Variants in WWOX observed in about 807,000 individuals in gnomAD.
WWOX encodes WW domain-containing oxidoreductase.
A neutral mutation model predicts 46.2 loss-of-function variants in WWOX; 69 were observed. The observed-to-expected ratio is 1.49, with a 90% confidence interval of 1.23 to 1.82. WWOX has a LOEUF of 1.82. Ranked by LOEUF, WWOX falls within the 40% of genes most tolerant of loss-of-function variation. The pLI is 0.00. For missense variants in WWOX, 919 were observed against 542.6 expected (o/e 1.69, Z -6.89); for synonymous variants, 359 against 202.6 (o/e 1.77, Z -6.56).
chr16:78,746,758 A>T (rs536270633), intron 8 of WWOX, among the ~76,000 whole-genome samples: 11 of 152,196 alleles, frequency 7.2e-5, no homozygotes, highest in Non-Finnish European at 1.5e-4. Context: ...AATCTGACTT[A>T]TACCCTGGAG....
rs552593176 is a variant in WWOX, at chr16:78,184,073, T to A, written c.516+19784T>A. 2.0e-4 allele frequency among the ~76,000 whole-genome samples: 31 copies of A among 152,268 alleles called. 1 individual carries two copies. The highest frequency in any genetic ancestry group is 7.0e-4 in the African/African-American group (29 of 41,548). Reference sequence around the variant, plus strand: ...TCTCTGTGTGTGAAGCTGGATTCCATGCTTGGCACAGACCTCGGTGCTCAC... The same window carrying A: ...TCTCTGTGTGTGAAGCTGGATTCCAAGCTTGGCACAGACCTCGGTGCTCAC... On this transcript the variant is annotated intron_variant, in intron 5 of 8. Transcript: ENST00000566780.
intron 5 of WWOX, among the ~76,000 whole-genome samples, chr16:78,298,362 G>C (rs1019548837): frequency 6.6e-6 from 1 of 152,182 alleles, no homozygotes; most frequent in African/African-American, 2.4e-5. Flanking sequence ...TGGCAGAGTA[G>C]CTAAGACTTT....
At chr16:78,482,951 G>T (rs538857291) in intron 8 of WWOX, among the ~76,000 whole-genome samples, 3 of 152,262 alleles carry the variant, frequency 2.0e-5, no homozygotes, top group Middle Eastern at 6.8e-3. Context: ...TGGGCGTCAA[G>T]ATTTTGGGGC....
At chr16:79,076,761 C>T (rs2048665071) in intron 8 of WWOX, among the ~76,000 whole-genome samples, 1 of 152,220 alleles carries the variant, frequency 6.6e-6, no homozygotes, top group Admixed American at 6.5e-5. Context: ...TGCTCAGCTT[C>T]CTGACCTGCA....
At chr16:79,132,166 A>ACACC (rs1260096040) in intron 8 of WWOX, among the ~76,000 whole-genome samples, 41 of 141,858 alleles carry the variant, frequency 2.9e-4, no homozygotes, top group African/African-American at 1.0e-3. Flanking sequence ...ACACACACAC[A>ACACC]CCCCTTCCTA....
chr16:79,029,676 A>T (rs991434995), intron 8 of WWOX, among the ~76,000 whole-genome samples: 3 of 152,164 alleles, frequency 2.0e-5, no homozygotes, highest in African/African-American at 4.8e-5. Flanking sequence ...TGTCCTTTAA[A>T]CTTTAGGCAT....
intron 8 of WWOX, among the ~76,000 whole-genome samples, chr16:79,090,723 G>C (rs1446910901): frequency 6.6e-6 from 1 of 152,194 alleles, no homozygotes; most frequent in Non-Finnish European, 1.5e-5. Flanking sequence ...GCTCGGCGGG[G>C]CCCAGGCATG....
intron 8 of WWOX, among the ~76,000 whole-genome samples, chr16:78,812,480 G>C (rs2051215301): frequency 6.6e-6 from 1 of 152,094 alleles, no homozygotes. Context: ...CTGACACTTT[G>C]GGAGGCCGAG....
chr16:79,153,415 G>A (rs1261509053), intron 8 of WWOX, among the ~76,000 whole-genome samples: 1 of 152,132 alleles, frequency 6.6e-6, no homozygotes, highest in Non-Finnish European at 1.5e-5. Context: ...CTGTGGAGGT[G>A]TCCTCAGGTA....
intron 8 of WWOX, among the ~76,000 whole-genome samples, chr16:79,004,984 G>C (rs1414098322): frequency 6.6e-6 from 1 of 152,064 alleles, no homozygotes; most frequent in African/African-American, 2.4e-5. Context: ...TTTCACTTGA[G>C]TTTAATAAAT....
intron 5 of WWOX, among the ~76,000 whole-genome samples, chr16:78,187,968 C>A (rs950508271): frequency 6.6e-6 from 1 of 152,180 alleles, no homozygotes; most frequent in Admixed American, 6.5e-5. Flanking sequence ...ATTATGGATG[C>A]ATTCCAAGAA....
Position 78,386,344 on chromosome 16 carries a change from G to A in WWOX, c.517-516G>A, listed in dbSNP as rs151099366. On this transcript the variant is annotated intron_variant, in intron 5 of 8. Coordinates refer to ENST00000566780, the MANE Select transcript of WWOX (RefSeq NM_016373.4). ...AAGCCAGGGTGTTGCCTTTGGGATCGAGGTCCGTCAGAATCCATTGGTATA... is the reference window on the plus strand; with the variant it reads ...AAGCCAGGGTGTTGCCTTTGGGATCAAGGTCCGTCAGAATCCATTGGTATA... Among the ~76,000 whole-genome samples, 208 of 152,236 alleles carry A rather than the reference G, an allele frequency of 1.4e-3. 2 individuals are homozygous for A. The highest frequency in any genetic ancestry group is 6.8e-3 in the Middle Eastern group (2 of 294).
intron 8 of WWOX, among the ~76,000 whole-genome samples, chr16:78,887,518 C>CACACACACACACACACATAT (rs1199309440): frequency 6.8e-6 from 1 of 147,340 alleles, no homozygotes; most frequent in African/African-American, 2.5e-5. Flanking sequence ...CACACACACA[C>CACACACACACACACACATAT]AAGAAATGAC....
At chr16:78,756,486 C>A (rs760984102) in intron 8 of WWOX, among the ~76,000 whole-genome samples, 1 of 152,056 alleles carries the variant, frequency 6.6e-6, no homozygotes, top group Non-Finnish European at 1.5e-5. Flanking sequence ...TACCTTAGAC[C>A]ATGAGGAGAT....
intron 8 of WWOX, among the ~76,000 whole-genome samples, chr16:78,657,218 C>T (rs1160828200): frequency 6.6e-6 from 1 of 152,098 alleles, no homozygotes; most frequent in Non-Finnish European, 1.5e-5. Context: ...ATCATCTCCA[C>T]CATCACCCCT....
chr16:78,939,746 C>A (rs924945446), intron 8 of WWOX, among the ~76,000 whole-genome samples: 14 of 152,186 alleles, frequency 9.2e-5, no homozygotes, highest in African/African-American at 3.4e-4. Flanking sequence ...TTCTGGGTAA[C>A]CCAGCCCCTT....
intron 8 of WWOX, among the ~76,000 whole-genome samples, chr16:79,189,922 A>G (rs2051098799): frequency 1.7e-5 from 2 of 120,008 alleles, no homozygotes; most frequent in Non-Finnish European, 3.3e-5. Context: ...GACAGCTGGT[A>G]TGGGGTGGGG....
At chr16:78,765,831 G>T (rs888766481) in intron 8 of WWOX, among the ~76,000 whole-genome samples, 5 of 152,194 alleles carry the variant, frequency 3.3e-5, no homozygotes, top group Admixed American at 1.3e-4. Context: ...CCTGCCCTGG[G>T]ATGGTGGAGC....
chr16:79,050,887 G>A (rs974649585), intron 8 of WWOX, among the ~76,000 whole-genome samples: 4 of 152,180 alleles, frequency 2.6e-5, no homozygotes, highest in East Asian at 1.9e-4. Flanking sequence ...GTTATCCTCT[G>A]CATTCATCAA....
Sources: allele counts gnomAD v4.1 joint callset (sites outside exome capture counted in the v4.1 genomes callset), GRCh38; gene constraint gnomAD v4.1.1; transcripts MANE v1.5; gene names NCBI Gene and HGNC (gene_info 2026-07-23, HGNC 2026-07-21).